CCDC28B: variants seen among roughly 807,000 people sequenced by gnomAD.
CCDC28B encodes the protein coiled-coil domain containing 28B, also known as coiled-coil domain-containing protein 28B.
CCDC28B carries 17 observed loss-of-function variants against 18.7 expected under a neutral mutation model. That is an observed-to-expected ratio of 0.91 (90% CI 0.62 to 1.36). CCDC28B has a LOEUF of 1.36. Ranked by LOEUF, CCDC28B falls within the 40% of genes most tolerant of loss-of-function variation. The pLI, the probability that CCDC28B is intolerant of heterozygous loss-of-function variation, is 0.00. For missense variants in CCDC28B, 213 were observed against 251.7 expected (o/e 0.85, Z 1.04); for synonymous variants, 116 against 105.1 (o/e 1.10, Z -0.64).
intron 2 of CCDC28B, chr1:32,202,906 G>A (rs1252525314): frequency 1.3e-5 from 2 of 152,678 alleles, no homozygotes; most frequent in African/African-American, 2.4e-5. Flanking sequence ...CGCTGAGGCA[G>A]GCAGATCACC....
chr1:32,204,381 T>C lies in CCDC28B; in HGVS notation c.525+2T>C, dbSNP rs745534116. 8.9e-6 allele frequency: 14 copies of C among 1,568,644 alleles called. No individual in the cohort carries two copies. The highest frequency in any genetic ancestry group is 1.2e-5 in the Non-Finnish European group (14 of 1,156,970). On this transcript the variant is annotated splice_donor_variant, in intron 4 of 5. Coordinates refer to ENST00000373602, the MANE Select transcript of CCDC28B (RefSeq NM_024296.5). LOFTEE classifies it high-confidence loss of function. ...AACCTGGACCAGCTGCTTAGCAATGTGGGTTCATGTCTGGGTGCTTTGGTT... is the reference window on the plus strand; with the variant it reads ...AACCTGGACCAGCTGCTTAGCAATGCGGGTTCATGTCTGGGTGCTTTGGTT...
Position 32,204,153 on chromosome 1 carries a change from T to C in CCDC28B, c.332-33T>C, listed in dbSNP as rs778998750. 8.1e-6 allele frequency: 13 copies of C among 1,612,774 alleles called. 1 individual carries two copies. The South Asian group carries it at 1.4e-4, about 18-fold the overall frequency. The stretch of plus-strand genomic sequence containing the variant: ...CCAGGGTTCCAGGGTTCCAGGACTC[T>C]TTCCCAGGGTTCAGACAGGGGCTTC... On this transcript the variant is annotated intron_variant, in intron 3 of 5. Coordinates refer to ENST00000373602, the MANE Select transcript of CCDC28B (RefSeq NM_024296.5).
Position 32,202,091 on chromosome 1 carries a change from G to A in CCDC28B, c.156G>A (p.Lys52=). Residue 52 remains lysine (K), a synonymous_variant, in exon 2 of 6, where the codon AAG becomes AAA. Transcript: ENST00000373602. ...TGCCATCCCCCAAGCAGCGGGCCAA[G>A]TTCAAGAGGTGGGTACAGAAGGGAA... is the stretch of plus-strand genomic sequence containing the variant. ...PHLPSPKQRA[K]FKRVGKEKCR... 6.2e-7 allele frequency: 1 copy of A among 1,612,774 alleles called. No individual in the cohort carries two copies. Among genetic ancestry groups the A allele is most frequent in the Non-Finnish European group, 8.5e-7 (1 of 1,179,314 alleles).
rs765892767 is a variant in CCDC28B at position 32,204,843 on chromosome 1, T to C, written c.548+223T>C. On this transcript the variant is annotated intron_variant, in intron 5 of 5. Coordinates refer to ENST00000373602, the MANE Select transcript of CCDC28B (RefSeq NM_024296.5). ...GATGTTTTACTACTGATCAAAATCT[T>C]TGTGAGTACTTTAGCTGACATCAAT... The C allele has an allele frequency of 3.2e-6, 5 of 1,549,806 alleles. No individual in the cohort carries two copies. The Admixed American group carries it at 1.0e-4, about 31-fold the overall frequency.
upstream of CCDC28B, among the ~76,000 whole-genome samples, chr1:32,198,641 C>A (rs376138694): frequency 6.6e-6 from 1 of 152,208 alleles, no homozygotes; most frequent in South Asian, 2.1e-4. Context: ...GCCCCTGCCC[C>A]CTTCAGCAAG....
chr1:32,204,626 C>T lies in CCDC28B; in HGVS notation c.548+6C>T, dbSNP rs772408329. On this transcript the variant is annotated splice_donor_region_variant and intron_variant, in intron 5 of 5. Transcript: ENST00000373602. Reference sequence around the variant, plus strand: ...GAAGACCTCAGTAATTCTATGTATCCTTTCCAAGGAACCCGTCTATGTGTG... The same window carrying T: ...GAAGACCTCAGTAATTCTATGTATCTTTTCCAAGGAACCCGTCTATGTGTG... 2 of 1,596,080 alleles carry T rather than the reference C, an allele frequency of 1.3e-6. No individual in the cohort carries two copies. Among genetic ancestry groups the T allele is most frequent in the Non-Finnish European group, 1.7e-6 (2 of 1,172,662 alleles).
Position 32,204,194 on chromosome 1 carries a change from T to C in CCDC28B, c.340T>C (p.Cys114Arg), listed in dbSNP as rs1416437971. The C allele has an allele frequency of 2.5e-6, 4 of 1,613,948 alleles. No individual in the cohort carries two copies. The highest frequency in any genetic ancestry group is 3.4e-6 in the Non-Finnish European group (4 of 1,180,004). The part of the protein sequence containing the change: ...SGRLQAFGKE[C>R]SFEQLEHVRE... ...CAGGGGCTTCGTTCCAGGGAAGGAA[T>C]GCTCCTTTGAGCAGCTGGAGCACGT... The change falls in exon 4 of 6, where the codon TGC (cysteine) becomes CGC (arginine). Residue 114 changes from cysteine to arginine, a missense_variant. Physicochemically the swap from Cys to Arg is radical, Grantham distance 180. Coordinates refer to ENST00000373602, the MANE Select transcript of CCDC28B (RefSeq NM_024296.5).
At chr1:32,204,939 C>A in intron 5 of CCDC28B, 1 of 1,407,574 alleles carries the variant, frequency 7.1e-7, no homozygotes, top group Non-Finnish European at 9.5e-7. Flanking sequence ...ATTTACACTA[C>A]CACCTCACCT....
chr1:32,204,364 C>T lies in CCDC28B; in HGVS notation c.510C>T (p.Asp170=). ...AGACAATGGCTGACCGTAACCTGGA[C>T]CAGCTGCTTAGCAATGTGGGTTCAT... ...QKKTMADRNL[D]QLLSNLEDLS... Residue 170 remains aspartate (D), a synonymous_variant, in exon 4 of 6, where the codon GAC becomes GAT. Transcript: ENST00000373602. The T allele has an allele frequency of 6.3e-7, 1 of 1,583,202 alleles. No individual in the cohort carries two copies. The highest frequency in any genetic ancestry group is 1.2e-5 in the South Asian group (1 of 85,814).
At chr1:32,199,849 C>T (rs1054871427), upstream of CCDC28B, among the ~76,000 whole-genome samples, 12 of 152,216 alleles carry the variant, frequency 7.9e-5, no homozygotes, top group Non-Finnish European at 1.6e-4. Flanking sequence ...TGGGGACCTG[C>T]GCCAGGAGCC....
At chr1:32,200,203 G>A (rs1643117888), upstream of CCDC28B, among the ~76,000 whole-genome samples, 1 of 152,160 alleles carries the variant, frequency 6.6e-6, no homozygotes, top group Non-Finnish European at 1.5e-5. Context: ...GGTTGTTATG[G>A]GGATGAAATG....
At chr1:32,201,624 C>G (rs536986205) in intron 1 of CCDC28B, 1 of 250,036 alleles carries the variant, frequency 4.0e-6, no homozygotes, top group Non-Finnish European at 7.6e-6. Context: ...CCCCAGCCAC[C>G]GTGACAGGAA....
intron 1 of CCDC28B, among the ~76,000 whole-genome samples, chr1:32,201,114 C>T (rs903392487): frequency 1.3e-5 from 2 of 151,938 alleles, no homozygotes; most frequent in Non-Finnish European, 2.9e-5. Flanking sequence ...GGAACCCCAG[C>T]CGACCGGAGG....
At chr1:32,198,749 A>T (rs754700947), upstream of CCDC28B, among the ~76,000 whole-genome samples, 11 of 152,174 alleles carry the variant, frequency 7.2e-5, no homozygotes, top group Non-Finnish European at 1.5e-4. Flanking sequence ...AAGCAGGTCC[A>T]TGGGACTGGG....
chr1:32,199,376 G>T (rs1281758160), upstream of CCDC28B, among the ~76,000 whole-genome samples: 1 of 151,420 alleles, frequency 6.6e-6, no homozygotes, highest in East Asian at 1.9e-4. Context: ...TGTGGGGGGG[G>T]TGCCGCCCCA....
In CCDC28B at chr1:32,205,127, T is replaced by C; in HGVS notation, c.549-67T>C. ...TGCACAGGTGAGGGAACTAAACCTG[T>C]GCAAGATGGGAGACCGGGGTGGGAG... On this transcript the variant is annotated intron_variant, in intron 5 of 5. Transcript: ENST00000373602. The surrounding 1 kb of genome is among the most constrained non-coding windows in gnomAD (Gnocchi z 5.6). 1 of 1,590,654 alleles carries C rather than the reference T, an allele frequency of 6.3e-7. No individual in the cohort carries two copies. The highest frequency in any genetic ancestry group is 8.6e-7 in the Non-Finnish European group (1 of 1,162,984).
chr1:32,201,201 C>G (rs2124183568), intron 1 of CCDC28B, among the ~76,000 whole-genome samples: 1 of 152,338 alleles, frequency 6.6e-6, no homozygotes, highest in Non-Finnish European at 1.5e-5. Flanking sequence ...GCCCAGGCAG[C>G]CAGCGGCCAA....
intron 3 of CCDC28B, 63 bp from the exon 4 acceptor site, chr1:32,204,123 T>C: frequency 6.2e-7 from 1 of 1,606,174 alleles, no homozygotes; most frequent in Non-Finnish European, 8.5e-7. Flanking sequence ...GCTGGGACCA[T>C]GGTTCCAGGG....
intron 2 of CCDC28B, chr1:32,202,527 T>C (rs535977745): frequency 8.4e-6 from 3 of 358,462 alleles, no homozygotes; most frequent in East Asian, 7.3e-5. Context: ...TTTTTTATGA[T>C]TGGGAGTTTG....
Sources: gnomAD v4.1 joint callset for allele counts (sites outside exome capture counted in the v4.1 genomes callset) on GRCh38, gnomAD v4.1.1 for gene constraint, Gnocchi (gnomAD v3.1) non-coding constraint, MANE v1.5 for transcripts, NCBI Gene and HGNC (gene_info 2026-07-23, HGNC 2026-07-21) for gene names.